Variants in SLC4A8 observed in about 807,000 individuals in gnomAD.
SLC4A8 encodes the protein electroneutral sodium bicarbonate exchanger 1.
In SLC4A8, 40 loss-of-function variants were observed where a neutral mutation model predicts 125.0. The ratio of observed to expected loss-of-function variants is 0.32; its 90% confidence interval spans 0.25 to 0.42. The LOEUF (loss-of-function observed/expected upper bound fraction) is 0.42, where lower values mean the gene tolerates loss of function less well. SLC4A8 is among the 10% of genes least tolerant of loss of function. SLC4A8 has a pLI of 1.00. For synonymous variants in SLC4A8, 456 were observed against 476.0 expected (o/e 0.96, Z 0.55); for missense variants, 863 against 1,355.1 (o/e 0.64, Z 5.70).
intron 1 of SLC4A8, among the ~76,000 whole-genome samples, chr12:51,439,609 A>AC (rs1949530863): frequency 6.6e-6 from 1 of 151,700 alleles, no homozygotes; most frequent in Non-Finnish European, 1.5e-5. Context: ...TGGTTCCAGA[A>AC]CTAAAAAAAA....
At chr12:51,491,777 A>ACC (rs1555198713) in intron 19 of SLC4A8, among the ~76,000 whole-genome samples, 6 of 149,810 alleles carry the variant, frequency 4.0e-5, no homozygotes, top group Admixed American at 6.7e-5. Flanking sequence ...ACACACACAC[A>ACC]CCCCTCTTTA....
chr12:51,480,446 T>G, intron 16 of SLC4A8: 1 of 1,104,306 alleles, frequency 9.1e-7, no homozygotes, highest in Non-Finnish European at 1.1e-6. Flanking sequence ...TTGGGTCAAC[T>G]GATTATCAGC....
Position 51,511,222 on chromosome 12 carries a change from G to A in SLC4A8, c.*3784G>A, listed in dbSNP as rs2138475581. The stretch of plus-strand genomic sequence containing the variant: ...TGTTTCTGAGGCATGGTACAGTGCT[G>A]CGGAGGCAAGGCAAGGCTGTCATGG... On this transcript the variant is annotated 3_prime_UTR_variant, in exon 25 of 25. Transcript: ENST00000453097. The A allele has an allele frequency of 6.6e-6, 1 of 152,316 alleles. No individual in the cohort carries two copies. Among genetic ancestry groups the A allele is most frequent in the Admixed American group, 6.5e-5 (1 of 15,302 alleles). 9.4% of individuals were successfully genotyped at this position (152,316 alleles called of 1,614,324 possible).
intron 2 of SLC4A8, among the ~76,000 whole-genome samples, chr12:51,444,882 T>C (rs1212440340): frequency 6.6e-6 from 1 of 152,204 alleles, no homozygotes. Flanking sequence ...GCCTCCTCAA[T>C]TTCTCCTTTA....
At chr12:51,405,041 A>G (rs1459144596) in intron 1 of SLC4A8, among the ~76,000 whole-genome samples, 2 of 152,238 alleles carry the variant, frequency 1.3e-5, no homozygotes, top group Non-Finnish European at 2.9e-5. Context: ...GGGAAGAAGC[A>G]GAGAGAAACT....
chr12:51,401,653 T>TA (rs1451163757), intron 1 of SLC4A8, among the ~76,000 whole-genome samples: 1 of 152,204 alleles, frequency 6.6e-6, no homozygotes, highest in Non-Finnish European at 1.5e-5. Flanking sequence ...TCGGGGTTTT[T>TA]ATAGGCACAG....
intron 1 of SLC4A8, chr12:51,403,329 C>T (rs770473674): frequency 3.2e-5 from 14 of 434,810 alleles, no homozygotes; most frequent in Middle Eastern, 6.6e-4. Flanking sequence ...CACCAGAAAG[C>T]GTTACTTACT....
At chr12:51,440,653 G>A in intron 1 of SLC4A8, 55 bp from the exon 2 acceptor site, 1 of 1,368,646 alleles carries the variant, frequency 7.3e-7, no homozygotes, top group South Asian at 1.3e-5. Context: ...CACAAGGTTT[G>A]TATATTTGAA....
chr12:51,431,297 A>G (rs1299946318), intron 1 of SLC4A8, among the ~76,000 whole-genome samples: 1 of 152,234 alleles, frequency 6.6e-6, no homozygotes. Flanking sequence ...TCAGCTGATT[A>G]GCAACCTTAC....
At chr12:51,424,168 A>AAATTT (rs1245400452), upstream of SLC4A8, among the ~76,000 whole-genome samples, 5 of 151,842 alleles carry the variant, frequency 3.3e-5, no homozygotes, top group Non-Finnish European at 7.4e-5. Flanking sequence ...AATCCAAATC[A>AAATTT]AATTTAATGC....
upstream of SLC4A8, chr12:51,420,004 T>G (rs1460213877): frequency 6.6e-6 from 1 of 152,230 alleles, no homozygotes; most frequent in East Asian, 1.9e-4. Flanking sequence ...GTAGTCTCTT[T>G]CAATATGCTG....
intron 22 of SLC4A8, chr12:51,497,595 A>T (rs1951498458): frequency 6.4e-6 from 1 of 155,322 alleles, no homozygotes; most frequent in Non-Finnish European, 1.4e-5. Flanking sequence ...TACACAATGG[A>T]CCCTCAATAA....
At chr12:51,392,621 C>T (rs561191442) in intron 1 of SLC4A8, among the ~76,000 whole-genome samples, 1 of 151,718 alleles carries the variant, frequency 6.6e-6, no homozygotes, top group South Asian at 2.1e-4. Context: ...AAATGGGCCC[C>T]ACCGCAGACC....
At position 51,497,146 on chromosome 12, in the gene SLC4A8, G is replaced by A. The variant is rs1404948108; in HGVS notation, c.3081+22G>A. 3.8e-6 allele frequency: 6 copies of A among 1,594,616 alleles called. No individual in the cohort carries two copies. The African/African-American group carries it at 8.2e-5, about 22-fold the overall frequency. On this transcript the variant is annotated intron_variant, in intron 22 of 24. Coordinates refer to ENST00000453097, the MANE Select transcript of SLC4A8 (RefSeq NM_001039960.3). ...AGAGGTCATAGTCCTTGCACCAACT[G>A]TATACCTGGGGGCCTCAAATTACAG...
chr12:51,454,147 A>C (rs528738609), intron 5 of SLC4A8, among the ~76,000 whole-genome samples: 2 of 152,274 alleles, frequency 1.3e-5, no homozygotes, highest in South Asian at 2.1e-4. Context: ...AAATACAAAA[A>C]TTAGCCAGGC....
chr12:51,450,976 C>T lies in SLC4A8; in HGVS notation c.231C>T (p.Gly77=), dbSNP rs763046014. The change falls in exon 3 of 25, where the codon GGC becomes GGT. Residue 77 remains glycine, a synonymous_variant. Coordinates refer to ENST00000453097, the MANE Select transcript of SLC4A8 (RefSeq NM_001039960.3). ...HGQKHRRRGR[G]KGASQGEEGL... is the part of the protein sequence containing the mutation. ...AGAAGCACCGGAGACGAGGGCGGGG[C>T]AAAGGAGCCAGCCAGGGGGAGGAAG... 3.2e-6 allele frequency: 5 copies of T among 1,580,844 alleles called. No individual in the cohort carries two copies. Among genetic ancestry groups the T allele is most frequent in the Non-Finnish European group, 4.3e-6 (5 of 1,161,584 alleles).
At chr12:51,488,295 T>C (rs1247975989) in intron 17 of SLC4A8, among the ~76,000 whole-genome samples, 1 of 152,206 alleles carries the variant, frequency 6.6e-6, no homozygotes, top group African/African-American at 2.4e-5. Flanking sequence ...CTGGCTTTAC[T>C]GCAATAATTA....
intron 11 of SLC4A8, chr12:51,466,508 C>T (rs146285145): frequency 1.3e-4 from 20 of 148,972 alleles, no homozygotes; most frequent in South Asian, 4.3e-4. Flanking sequence ...TGACCCTCTA[C>T]GCGGGTAAGT....
intron 17 of SLC4A8, among the ~76,000 whole-genome samples, 197 bp from the exon 18 acceptor site, chr12:51,488,502 C>T (rs1951218014): frequency 6.6e-6 from 1 of 150,560 alleles, no homozygotes; most frequent in African/African-American, 2.4e-5. Flanking sequence ...TCATTGGTGT[C>T]TTTAACTCTT....
Sources: gnomAD v4.1 joint callset for allele counts (sites outside exome capture counted in the v4.1 genomes callset) on GRCh38, gnomAD v4.1.1 for gene constraint, MANE v1.5 for transcripts, NCBI Gene and HGNC (gene_info 2026-07-23, HGNC 2026-07-21) for gene names.